SET: variants seen among roughly 807,000 people sequenced by gnomAD.
The protein encoded by SET is protein SET.
A neutral mutation model predicts 39.0 loss-of-function variants in SET; 4 were observed. That is an observed-to-expected ratio of 0.10 (90% confidence interval 0.05 to 0.23). SET has a LOEUF of 0.23. SET is among the 10% of genes least tolerant of loss of function. The pLI is 1.00. For synonymous variants in SET, 114 were observed against 115.9 expected (o/e 0.98, Z 0.11); for missense variants, 137 against 329.7 (o/e 0.42, Z 4.53).
At chr9:128,691,067 G>A (rs776128129) in intron 1 of SET, 103 bp from the exon 2 acceptor site, 2 of 889,968 alleles carry the variant, frequency 2.2e-6, no homozygotes, top group Non-Finnish European at 3.8e-6. Flanking sequence ...TGTACTAGGC[G>A]TTTTTGTTTT....
intron 1 of SET, chr9:128,690,333 T>C (rs1011291616): frequency 6.6e-6 from 1 of 152,500 alleles, no homozygotes; most frequent in African/African-American, 2.4e-5. Context: ...CTAAGAAAGC[T>C]GGCCTCTGCC....
chr9:128,684,981 G>T, upstream of SET: 1 of 1,415,734 alleles, frequency 7.1e-7, no homozygotes. Context: ...TGGCTCATAG[G>T]GGAGGGTTGT....
At chr9:128,684,225 T>A (rs765187806), upstream of SET, among the ~76,000 whole-genome samples, 3 of 152,030 alleles carry the variant, frequency 2.0e-5, no homozygotes, top group Non-Finnish European at 4.4e-5. Flanking sequence ...AACTCAACAC[T>A]GACCCCTGAG....
exon 1 of SET, chr9:128,683,901 C>G (rs958906816): frequency 6.4e-7 from 1 of 1,551,660 alleles, no homozygotes; most frequent in East Asian, 2.4e-5. Context: ...ACAGCATGGC[C>G]CCTAAACGCC....
chr9:128,689,448 G>A lies in SET; in HGVS notation c.-135G>A. On this transcript the variant is annotated 5_prime_UTR_variant, in exon 1 of 8. Coordinates refer to ENST00000322030, the MANE Select transcript of SET (RefSeq NM_003011.4). ...CGAGCGAGCGAGGGGGAGGGAGAGC[G>A]AGCGAGCGCCGGGAGGAGGCGGCCG... 1 of 503,534 alleles carries A rather than the reference G, an allele frequency of 2.0e-6. No individual in the cohort carries two copies. The highest frequency in any genetic ancestry group is 2.8e-6 in the Non-Finnish European group (1 of 353,332). The allele number at this position is 503,534 out of a possible 1,614,324, so 31.2% of individuals were successfully genotyped here. A position where few individuals can be genotyped will look rare whatever the true frequency, so the allele number is the denominator to read the frequency against.
At chr9:128,691,659 CATT>C (rs1244249756) in intron 2 of SET, among the ~76,000 whole-genome samples, 196 bp from the exon 3 acceptor site, 1 of 152,114 alleles carries the variant, frequency 6.6e-6, no homozygotes, top group Non-Finnish European at 1.5e-5. Flanking sequence ...TCTTAACAGT[CATT>C]ATTACTCAGT....
At chr9:128,685,048 A>C, upstream of SET, 5 of 1,497,624 alleles carry the variant, frequency 3.3e-6, no homozygotes, top group South Asian at 1.3e-5. Context: ...GGAAACGGGA[A>C]GCTTTGATTG....
At chr9:128,689,797 C>T (rs1392949196) in intron 1 of SET, 142 bp downstream of exon 1, 1 of 149,554 alleles carries the variant, frequency 6.7e-6, no homozygotes, top group Admixed American at 6.8e-5. Flanking sequence ...GGCCCGCGGA[C>T]TCGGCGCCCT....
rs1861734653 is a variant in SET, at chr9:128,696,222, C to CT, written c.*1563dup. 1.5e-5 allele frequency: 3 copies of CT among 205,868 alleles called. No homozygotes were observed. In the Admixed American group the frequency reaches 1.8e-4, roughly 12 times the overall value. 12.8% of individuals were successfully genotyped at this position (205,868 alleles called of 1,614,324 possible). A position where few individuals can be genotyped will look rare whatever the true frequency, so the allele number is the denominator to read the frequency against. On this transcript the variant is annotated 3_prime_UTR_variant, in exon 8 of 8. Coordinates refer to ENST00000322030, the MANE Select transcript of SET (RefSeq NM_003011.4). ...TGGACAGTCTGGTGAACTTCAAAAG[C>CT]TTTTTGATGTATAAAACTTGATAAA...
chr9:128,691,906 T>C lies in SET; in HGVS notation c.180T>C (p.Tyr60=), dbSNP rs762485826. 19 of 1,613,644 alleles carry C rather than the reference T, an allele frequency of 1.2e-5. No homozygotes were observed. Among genetic ancestry groups the C allele is most frequent in the Admixed American group, 5.0e-5 (3 of 59,984 alleles). The change falls in exon 3 of 8, where the codon TAT becomes TAC. Residue 60 remains tyrosine (Y), a synonymous_variant. Coordinates refer to ENST00000322030, the MANE Select transcript of SET (RefSeq NM_003011.4). ...AGATTTTGAAAGTAGAACAGAAATATAACAAACTCCGCCAACCATTTTTTC... is the reference window on the plus strand; with the variant it reads ...AGATTTTGAAAGTAGAACAGAAATACAACAAACTCCGCCAACCATTTTTTC... ...SEEILKVEQK[Y]NKLRQPFFQK... is the part of the protein sequence containing the mutation.
upstream of SET, among the ~76,000 whole-genome samples, chr9:128,688,138 G>C (rs375552223): frequency 6.6e-6 from 1 of 152,166 alleles, no homozygotes; most frequent in African/African-American, 2.4e-5. Flanking sequence ...TTGAACCCGA[G>C]AGGCAGAGCT....
At chr9:128,689,015 G>T (rs1350532356), upstream of SET, among the ~76,000 whole-genome samples, 2 of 151,166 alleles carry the variant, frequency 1.3e-5, no homozygotes, top group Non-Finnish European at 3.0e-5. Context: ...GGGCCGGAGA[G>T]GGGAGAGCGG....
chr9:128,685,699 T>C (rs114058801), upstream of SET, among the ~76,000 whole-genome samples: 968 of 152,324 alleles, frequency 6.4e-3, 8 homozygotes, highest in African/African-American at 0.022. Flanking sequence ...AGCCTCTCTC[T>C]GTTCCAGTCT....
rs759859419 is a variant in SET at position 128,692,885 on chromosome 9, T to C, written c.396T>C (p.Pro132=). 1.1e-5 allele frequency: 17 copies of C among 1,591,842 alleles called. No individual in the cohort carries two copies. In the Admixed American group the frequency reaches 1.5e-4, roughly 14 times the overall value. ...YRIDFYFDEN[P]YFENKVLSKE... ...TATTACAGTATTTTGATGAAAATCCTTACTTTGAAAATAAAGTTCTCTCCA... is the reference window on the plus strand; with the variant it reads ...TATTACAGTATTTTGATGAAAATCCCTACTTTGAAAATAAAGTTCTCTCCA... The change falls in exon 5 of 8, where the codon CCT becomes CCC. Residue 132 remains proline (P), a synonymous_variant. Coordinates refer to ENST00000322030, the MANE Select transcript of SET (RefSeq NM_003011.4).
At chr9:128,691,088 G>T (rs1360924041) in intron 1 of SET, 82 bp from the exon 2 acceptor site, 1 of 1,109,750 alleles carries the variant, frequency 9.0e-7, no homozygotes, top group African/African-American at 1.5e-5. Flanking sequence ...TGTTTTAATG[G>T]CTTTTGGAAT....
chr9:128,689,733 C>T, intron 1 of SET, 78 bp downstream of exon 1: 1 of 241,442 alleles, frequency 4.1e-6, no homozygotes, highest in Non-Finnish European at 6.5e-6. Context: ...GCCGGCGGGG[C>T]CCGGGGCGCG....
At position 128,694,734 on chromosome 9, in the gene SET, C is replaced by G. The variant is rs1029855628; in HGVS notation, c.*70C>G. 1 of 303,722 alleles carries G rather than the reference C, an allele frequency of 3.3e-6. No homozygotes were observed. The highest frequency in any genetic ancestry group is 5.4e-6 in the Non-Finnish European group (1 of 186,884). The allele number at this position is 303,722 out of a possible 1,614,324, so 18.8% of individuals were successfully genotyped here. A position where few individuals can be genotyped will look rare whatever the true frequency, so the allele number is the denominator to read the frequency against. ...CCAGTCCCTGGGAGCAAGTTGCAGTCTTTTTTTTTTTTTTTTTTTTTTTTC... is the reference window on the plus strand; with the variant it reads ...CCAGTCCCTGGGAGCAAGTTGCAGTGTTTTTTTTTTTTTTTTTTTTTTTTC... On this transcript the variant is annotated 3_prime_UTR_variant, in exon 8 of 8. Transcript: ENST00000322030.
At chr9:128,686,416 GA>G (rs1861287104), upstream of SET, among the ~76,000 whole-genome samples, 1 of 152,144 alleles carries the variant, frequency 6.6e-6, no homozygotes, top group Non-Finnish European at 1.5e-5. Flanking sequence ...AGGTGCTTGG[GA>G]AACAGGCAGA....
At chr9:128,683,867 T>A (rs1166048837) in exon 1 of SET, 2 of 1,530,730 alleles carry the variant, frequency 1.3e-6, no homozygotes, top group Non-Finnish European at 1.8e-6. Flanking sequence ...AGGAGACTCG[T>A]GGTCTGGTTC....
Sources: gnomAD v4.1 joint callset for allele counts (sites outside exome capture counted in the v4.1 genomes callset) on GRCh38, gnomAD v4.1.1 for gene constraint, MANE v1.5 for transcripts, NCBI Gene and HGNC (gene_info 2026-07-23, HGNC 2026-07-21) for gene names.